SOX30: variants seen among roughly 807,000 people sequenced by gnomAD.
SOX30 encodes transcription factor SOX-30.
Under a neutral mutation model 58.6 loss-of-function variants are expected in SOX30, and 17 were observed. The ratio of observed to expected loss-of-function variants is 0.29; its 90% CI spans 0.20 to 0.44. The LOEUF is 0.44. Among genes scored for constraint, SOX30 ranks in the 20% least tolerant of loss-of-function variants. The pLI, the probability that SOX30 is intolerant of heterozygous loss-of-function variation, is 1.00. For synonymous variants in SOX30, 421 were observed against 400.2 expected, an observed-to-expected ratio of 1.05 and a Z score of -0.62; for missense variants, 951 against 965.8, an observed-to-expected ratio of 0.98 and a Z score of 0.20.
chr5:157,670,808 T>C (rs1759764416), intron 1 of SOX30, among the ~76,000 whole-genome samples: 1 of 152,152 alleles, frequency 6.6e-6, no homozygotes, highest in Non-Finnish European at 1.5e-5. Context: ...GTGGGAAAAA[T>C]GACTTGTTCA....
intron 1 of SOX30, among the ~76,000 whole-genome samples, chr5:157,650,305 G>A (rs1366967245): frequency 6.6e-6 from 1 of 151,738 alleles, no homozygotes; most frequent in Admixed American, 6.6e-5. Context: ...GGAGTGGAGA[G>A]GAAGAATCAA....
intron 4 of SOX30, among the ~76,000 whole-genome samples, chr5:157,637,989 A>G (rs1248656838): frequency 6.6e-6 from 1 of 152,070 alleles, no homozygotes; most frequent in African/African-American, 2.4e-5. Context: ...CCACTGCCTG[A>G]AGCCTATATT....
chr5:157,655,552 C>G (rs554384427), upstream of SOX30, among the ~76,000 whole-genome samples: 2 of 152,292 alleles, frequency 1.3e-5, no homozygotes, highest in East Asian at 3.9e-4. Context: ...TAGGCAGGTA[C>G]AGGATCATGG....
chr5:157,653,861 C>T (rs909532881), upstream of SOX30, among the ~76,000 whole-genome samples: 1 of 152,026 alleles, frequency 6.6e-6, no homozygotes, highest in African/African-American at 2.4e-5. Flanking sequence ...CTCATTATAC[C>T]CATAAAAACT....
intron 1 of SOX30, among the ~76,000 whole-genome samples, chr5:157,668,978 T>A (rs1253131811): frequency 1.3e-5 from 2 of 152,046 alleles, no homozygotes; most frequent in African/African-American, 2.4e-5. Context: ...TTCCCAGGAT[T>A]GTAGAGAGGA....
At chr5:157,671,010 G>A (rs1410306084) in intron 1 of SOX30, among the ~76,000 whole-genome samples, 1 of 152,178 alleles carries the variant, frequency 6.6e-6, no homozygotes, top group African/African-American at 2.4e-5. Context: ...ATTGGAATAG[G>A]CTTCTTCGCC....
chr5:157,665,394 A>C (rs991380909), intron 2 of SOX30, among the ~76,000 whole-genome samples: 1 of 152,196 alleles, frequency 6.6e-6, no homozygotes, highest in African/African-American at 2.4e-5. Context: ...TGGGAATTGA[A>C]TAATGAGAAC....
upstream of SOX30, among the ~76,000 whole-genome samples, chr5:157,655,550 T>C (rs537648121): frequency 1.3e-5 from 2 of 152,282 alleles, no homozygotes; most frequent in East Asian, 3.9e-4. Context: ...GTTAGGCAGG[T>C]ACAGGATCAT....
intron 4 of SOX30, among the ~76,000 whole-genome samples, chr5:157,637,684 T>C (rs1435493210): frequency 6.6e-6 from 1 of 152,060 alleles, no homozygotes; most frequent in Non-Finnish European, 1.5e-5. Context: ...AAAAATTATA[T>C]CCAACATTAA....
chr5:157,638,246 G>A lies in SOX30; in HGVS notation c.1864C>T (p.His622Tyr), dbSNP rs1429016559. ...FHHPYFLPGP[H>Y]YFPSSTCPYS... ...TTAATTTACCTTGATGGGAAGTAGTGAGGTCCGGGTAGGAAGTAAGGGTGA... is the reference window on the plus strand; with the variant it reads ...TTAATTTACCTTGATGGGAAGTAGTAAGGTCCGGGTAGGAAGTAAGGGTGA... Residue 622 changes from histidine (H) to tyrosine (Y), a missense_variant, in exon 4 of 5, where the codon CAC becomes TAC. Transcript: ENST00000265007. 6 of 1,523,420 alleles carry A rather than the reference G, an allele frequency of 3.9e-6. No homozygotes were observed. The highest frequency in any genetic ancestry group is 1.8e-4 in the Middle Eastern group (1 of 5,646). The allele number at this position is 1,523,420 out of a possible 1,614,324, so 94.4% of individuals were successfully genotyped here.
chr5:157,648,763 G>A lies in SOX30; in HGVS notation c.1101C>T (p.Ile367=), dbSNP rs2113847751. The A allele has an allele frequency of 1.2e-6, 2 of 1,613,582 alleles. No individual in the cohort carries two copies. The highest frequency in any genetic ancestry group is 2.2e-5 in the East Asian group (1 of 44,874). ...TCCACTCTAACCCAAGCTGGACACT[G>A]ATTTCTGCATTGTTGGCTGCTGGGT... ...KANPAANNAE[I]SVQLGLEWNK... The change falls in exon 2 of 5, where the codon ATC becomes ATT. Residue 367 remains isoleucine, a synonymous_variant. Coordinates refer to ENST00000265007, the MANE Select transcript of SOX30 (RefSeq NM_178424.2).
rs375931805 is a variant in SOX30, at chr5:157,651,180, G to A, written c.899C>T (p.Ser300Phe). The change falls in exon 1 of 5, where the codon TCC (serine) becomes TTC (phenylalanine). Residue 300 changes from serine to phenylalanine, a missense_variant. Ser to Phe is a radical substitution (Grantham distance 155, BLOSUM62 -2). Coordinates refer to ENST00000265007, the MANE Select transcript of SOX30 (RefSeq NM_178424.2). ...AATTTTTACAGAAGGCTCCAGTAGG[G>A]ACTGCATTTTAGTAGGCACTGGTGT... is the stretch of plus-strand genomic sequence containing the variant. ...PLTPVPTKMQSLLEPSVKIET... is the reference protein window; with the variant it reads ...PLTPVPTKMQFLLEPSVKIET... 133 of 1,608,904 alleles carry A rather than the reference G, an allele frequency of 8.3e-5. No homozygotes were observed. The highest frequency in any genetic ancestry group is 6.6e-4 in the Middle Eastern group (4 of 6,024).
At chr5:157,663,961 A>G (rs1360231031) in intron 2 of SOX30, among the ~76,000 whole-genome samples, 1 of 152,218 alleles carries the variant, frequency 6.6e-6, no homozygotes, top group Non-Finnish European at 1.5e-5. Context: ...GACAAAAAAA[A>G]TGAAAGAACA....
At chr5:157,649,138 A>C (rs1299802955) in intron 1 of SOX30, among the ~76,000 whole-genome samples, 3 of 152,084 alleles carry the variant, frequency 2.0e-5, no homozygotes, top group African/African-American at 7.2e-5. Flanking sequence ...GTTGAAGATA[A>C]CTGTGGCAAT....
upstream of SOX30, among the ~76,000 whole-genome samples, chr5:157,655,223 A>G (rs1296866621): frequency 2.0e-5 from 3 of 152,192 alleles, no homozygotes; most frequent in East Asian, 5.8e-4. Context: ...ACTTTGGGTA[A>G]GTGGTGGGGT....
At chr5:157,671,446 C>CCAA in exon 1 of SOX30, 1 of 612,874 alleles carries the variant, frequency 1.6e-6, no homozygotes, top group Non-Finnish European at 2.9e-6. Context: ...GCACGCATGT[C>CCAA]CAACAGCCCC....
intron 1 of SOX30, 131 bp from the exon 2 acceptor site, chr5:157,649,027 C>A (rs1759264552): frequency 8.4e-7 from 1 of 1,197,224 alleles, no homozygotes; most frequent in Admixed American, 2.5e-5. Flanking sequence ...TCAATATAAC[C>A]AAAAAAACCT....
intron 1 of SOX30, among the ~76,000 whole-genome samples, chr5:157,650,413 T>C (rs1759300374): frequency 6.6e-6 from 1 of 152,196 alleles, no homozygotes; most frequent in Non-Finnish European, 1.5e-5. Context: ...AAGTGTTCTG[T>C]GTGAACTAAA....
Position 157,652,374 on chromosome 5 carries a change from T to A in SOX30, c.-296A>T, listed in dbSNP as rs1759380281. The stretch of plus-strand genomic sequence containing the variant: ...TTGTTGCACATTTTCGTTCTGACTC[T>A]CTTGTGGAGTTCTCTTACAGCCGTT... On this transcript the variant is annotated 5_prime_UTR_variant, in exon 1 of 5. Coordinates refer to ENST00000265007, the MANE Select transcript of SOX30 (RefSeq NM_178424.2). 1 of 1,139,300 alleles carries A rather than the reference T, an allele frequency of 8.8e-7. No homozygotes were observed. Among genetic ancestry groups the A allele is most frequent in the Non-Finnish European group, 1.1e-6 (1 of 929,986 alleles). 70.6% of individuals were successfully genotyped at this position (1,139,300 alleles called of 1,614,324 possible). A position where few individuals can be genotyped will look rare whatever the true frequency, so the allele number is the denominator to read the frequency against.
Sources: gnomAD v4.1 joint callset for allele counts (sites outside exome capture counted in the v4.1 genomes callset) on GRCh38, gnomAD v4.1.1 for gene constraint, MANE v1.5 for transcripts, NCBI Gene and HGNC (gene_info 2026-07-23, HGNC 2026-07-21) for gene names.